MYH14: variants seen among roughly 807,000 people sequenced by gnomAD.
MYH14 encodes myosin-14.
A neutral mutation model predicts 255.5 loss-of-function variants in MYH14; 123 were observed. That is an observed-to-expected ratio of 0.48 (90% CI 0.42 to 0.56). The LOEUF is 0.56. MYH14 is among the 20% of genes least tolerant of loss of function. The pLI is 0.00. For missense variants in MYH14, 2,423 were observed against 2,802.3 expected, an observed-to-expected ratio of 0.86 and a Z score of 3.06; for synonymous variants, 1,095 against 1,161.2, an observed-to-expected ratio of 0.94 and a Z score of 1.16.
chr19:50,278,286 C>T lies in MYH14; in HGVS notation c.4029C>T (p.Ala1343=). Residue 1343 remains alanine, a synonymous_variant, in exon 30 of 43, where the codon GCC becomes GCT. Coordinates refer to ENST00000642316, the MANE Select transcript of MYH14 (RefSeq NM_001145809.2). ...AGGCTGCTGAGAAGCTGCAGCGAGC[C>T]CAGGTAAGTGGGGTGGGCAGGGCAG... is the stretch of plus-strand genomic sequence containing the variant. ...RAEAAEKLQR[A]QAELENVSGA... is the part of the protein sequence containing the mutation. The T allele has an allele frequency of 6.5e-7, 1 of 1,545,180 alleles. No homozygotes were observed. The highest frequency in any genetic ancestry group is 1.9e-5 in the Admixed American group (1 of 51,404).
Position 50,266,019 on chromosome 19 carries a change from C to T in MYH14, c.2695-858C>T, listed in dbSNP as rs139734332. ...GATACCTGCGAAAGATGCAAGGAGT[C>T]GGGGCAGAAAAGGAGAGAATAGAAG... On this transcript the variant is annotated intron_variant, in intron 22 of 42. Coordinates refer to ENST00000642316, the MANE Select transcript of MYH14 (RefSeq NM_001145809.2). The surrounding 1 kb of genome is among the most constrained non-coding windows in gnomAD (Gnocchi z 4.1). Among the ~76,000 whole-genome samples the T allele has an allele frequency of 2.2e-4, 34 of 151,834 alleles. No individual in the cohort carries two copies. In the East Asian group the frequency reaches 6.2e-3, roughly 28 times the overall value.
chr19:50,281,280 C>T (rs1011093106), intron 32 of MYH14, among the ~76,000 whole-genome samples: 1 of 152,192 alleles, frequency 6.6e-6, no homozygotes, highest in Non-Finnish European at 1.5e-5. Flanking sequence ...CTCCATAGCT[C>T]CCATACTGCT....
intron 39 of MYH14, among the ~76,000 whole-genome samples, chr19:50,296,215 T>C (rs1464478115): frequency 6.6e-6 from 1 of 152,122 alleles, no homozygotes; most frequent in East Asian, 1.9e-4. Context: ...ACAGATCCAG[T>C]CTCTCTGACC....
Position 50,272,444 on chromosome 19 carries a change from G to A in MYH14, c.3296-116G>A, listed in dbSNP as rs570382980. The A allele has an allele frequency of 4.1e-4, 452 of 1,089,868 alleles. 1 individual carries two copies. Among genetic ancestry groups the A allele is most frequent in the Admixed American group, 2.3e-3 (118 of 50,264 alleles). The allele number at this position is 1,089,868 out of a possible 1,614,324, so 67.5% of individuals were successfully genotyped here. ...GGGGAAGGTGGGAGGAGGAGAAGGC[G>A]TTAAGGGAGGTGCTGAGCTTAGCCT... On this transcript the variant is annotated intron_variant, in intron 26 of 42. Transcript: ENST00000642316.
Position 50,281,903 on chromosome 19 carries a change from C to A in MYH14, c.4539+61C>A. On this transcript the variant is annotated intron_variant, in intron 33 of 42. Coordinates refer to ENST00000642316, the MANE Select transcript of MYH14 (RefSeq NM_001145809.2). The stretch of plus-strand genomic sequence containing the variant: ...CAAGTCCATCTACGCTTCCCATGGT[C>A]GTTGTGAGGAACCAGTAATCCGTGC... The A allele has an allele frequency of 3.2e-6, 5 of 1,549,854 alleles. No homozygotes were observed. In the South Asian group the frequency reaches 3.6e-5, roughly 11 times the overall value.
rs910397391 is a variant in MYH14, at chr19:50,304,926, G to T, written c.5679-2123G>T. Among the ~76,000 whole-genome samples, 8 of 152,262 alleles carry T rather than the reference G, an allele frequency of 5.3e-5. No individual in the cohort carries two copies. In the East Asian group the frequency reaches 1.5e-3, roughly 29 times the overall value. On this transcript the variant is annotated intron_variant, in intron 40 of 42. Transcript: ENST00000642316. ...GTTGGCAGCTTTGTGGGAAAGTCTGGGAGACATCAGGGCATTTGGAGGAGG... is the reference window on the plus strand; with the variant it reads ...GTTGGCAGCTTTGTGGGAAAGTCTGTGAGACATCAGGGCATTTGGAGGAGG...
chr19:50,238,592 T>C (rs583628), intron 10 of MYH14, among the ~76,000 whole-genome samples: 146,721 of 152,194 alleles, frequency 0.96, 70,772 homozygotes, highest in African/African-American at 0.99. Context: ...GCTGAGATTA[T>C]AGGCGCTCGC....
chr19:50,230,859 G>A lies in MYH14; in HGVS notation c.973+236G>A, dbSNP rs534118465. On this transcript the variant is annotated intron_variant, in intron 9 of 42. Coordinates refer to ENST00000642316, the MANE Select transcript of MYH14 (RefSeq NM_001145809.2). The surrounding 1 kb of genome is among the most constrained non-coding windows in gnomAD (Gnocchi z 4.7). Reference sequence around the variant, plus strand: ...GGGTCTGGCTCGCGCCCGCTGTCACGGCCACGCAGCCCCCGCCGCCTGGTG... The same window carrying A: ...GGGTCTGGCTCGCGCCCGCTGTCACAGCCACGCAGCCCCCGCCGCCTGGTG... The A allele has an allele frequency of 1.7e-4, 85 of 512,262 alleles. No homozygotes were observed. The highest frequency in any genetic ancestry group is 9.8e-4 in the Admixed American group (30 of 30,484). The allele number at this position is 512,262 out of a possible 1,614,324, so 31.7% of individuals were successfully genotyped here. A position where few individuals can be genotyped will look rare whatever the true frequency, so the allele number is the denominator to read the frequency against.
Position 50,268,180 on chromosome 19 carries a change from G to A in MYH14, c.2846G>A (p.Arg949His), listed in dbSNP as rs747130393. ...RVAQLEEERA[R>H]LAEQLRAEAE... is the part of the protein sequence containing the mutation. ...CCCCAGCTGGAAGAGGAGCGCGCCC[G>A]CCTGGCAGAGCAATTGCGAGCAGAG... is the stretch of plus-strand genomic sequence containing the variant. The change falls in exon 24 of 43, where the codon CGC (arginine) becomes CAC (histidine). Residue 949 changes from arginine to histidine, a missense_variant. By Grantham distance (29) the Arg-to-His change is conservative. Around this residue, in one of 3 missense-constraint regions of MYH14, gnomAD observed 1,513 missense variants for 1,674.8 expected, o/e 0.90. Coordinates refer to ENST00000642316, the MANE Select transcript of MYH14 (RefSeq NM_001145809.2). 27 of 1,548,926 alleles carry A rather than the reference G, an allele frequency of 1.7e-5. No individual in the cohort carries two copies. The African/African-American group carries it at 2.6e-4, about 15-fold the overall frequency.
chr19:50,265,770 A>C (rs1202323179), intron 22 of MYH14, among the ~76,000 whole-genome samples: 1 of 152,086 alleles, frequency 6.6e-6, no homozygotes, highest in East Asian at 1.9e-4. Context: ...GCAGTGAGCC[A>C]AGATCGCACC....
Position 50,310,163 on chromosome 19 carries a change from C to T in MYH14, c.*373C>T, listed in dbSNP as rs927144911. The T allele has an allele frequency of 1.0e-5, 3 of 289,404 alleles. No homozygotes were observed. The highest frequency in any genetic ancestry group is 1.9e-5 in the Non-Finnish European group (3 of 154,278). The allele number at this position is 289,404 out of a possible 1,614,324, so 17.9% of individuals were successfully genotyped here. A position where few individuals can be genotyped will look rare whatever the true frequency, so the allele number is the denominator to read the frequency against. ...CCATCCTCAGCCAGTGCAACCCATTCCCTCTGCTTCTCTCTCTCTCTCTCT... is the reference window on the plus strand; with the variant it reads ...CCATCCTCAGCCAGTGCAACCCATTTCCTCTGCTTCTCTCTCTCTCTCTCT... On this transcript the variant is annotated 3_prime_UTR_variant, in exon 43 of 43. Coordinates refer to ENST00000642316, the MANE Select transcript of MYH14 (RefSeq NM_001145809.2).
At chr19:50,242,824 CA>C (rs1325406385) in intron 10 of MYH14, among the ~76,000 whole-genome samples, 3 of 152,128 alleles carry the variant, frequency 2.0e-5, no homozygotes, top group East Asian at 1.9e-4. Flanking sequence ...TCACATCAGA[CA>C]GGGGTGGTGT....
At chr19:50,229,954 G>A (rs560529246) in intron 8 of MYH14, among the ~76,000 whole-genome samples, 5 of 152,208 alleles carry the variant, frequency 3.3e-5, no homozygotes, top group Non-Finnish European at 4.4e-5. Context: ...TCACTCTGTC[G>A]CCCAGGCTGG....
chr19:50,246,016 C>T (rs2034105450), intron 11 of MYH14, among the ~76,000 whole-genome samples: 1 of 141,012 alleles, frequency 7.1e-6, no homozygotes, highest in Non-Finnish European at 1.5e-5. Context: ...GGGATTCCCT[C>T]GCTCCCTCCC....
chr19:50,297,219 C>T (rs1463494845), intron 39 of MYH14, among the ~76,000 whole-genome samples: 2 of 151,978 alleles, frequency 1.3e-5, no homozygotes, highest in Non-Finnish European at 2.9e-5. Context: ...CTCCTGACCT[C>T]GTGATCCGCC....
intron 18 of MYH14, 44 bp from the exon 19 acceptor site, chr19:50,259,100 G>C (rs761558118): frequency 9.2e-6 from 14 of 1,529,350 alleles, no homozygotes; most frequent in Non-Finnish European, 1.2e-5. Context: ...TGGCGCCCCC[G>C]TGTGGCCGCC....
chr19:50,293,082 C>A lies in MYH14; in HGVS notation c.5257-151C>A. 3.0e-6 allele frequency: 2 copies of A among 667,666 alleles called. No individual in the cohort carries two copies. Among genetic ancestry groups the A allele is most frequent in the Non-Finnish European group, 2.7e-6 (1 of 364,892 alleles). The allele number at this position is 667,666 out of a possible 1,614,324, so 41.4% of individuals were successfully genotyped here. A position where few individuals can be genotyped will look rare whatever the true frequency, so the allele number is the denominator to read the frequency against. On this transcript the variant is annotated intron_variant, in intron 37 of 42. Transcript: ENST00000642316. This position sits in a 1 kb window ranked among gnomAD's most constrained non-coding sequence, Gnocchi z 4.1. ...GGGCTCAGGAGACAGATTTAGGAGA[C>A]ATCTGTAGGTTGCAGCTCATTCCAG...
Position 50,276,685 on chromosome 19 carries a change from A to G in MYH14, c.3681-72A>G. On this transcript the variant is annotated intron_variant, in intron 28 of 42. Transcript: ENST00000642316. The surrounding 1 kb of genome is among the most constrained non-coding windows in gnomAD (Gnocchi z 4.3). Reference sequence around the variant, plus strand: ...TTAAGGAAACATGAAAAGGAGAAACAACCAGCTCCCCCAAAGCCCCTGCCT... The same window carrying G: ...TTAAGGAAACATGAAAAGGAGAAACGACCAGCTCCCCCAAAGCCCCTGCCT... 6.3e-7 allele frequency: 1 copy of G among 1,597,920 alleles called. No homozygotes were observed. Among genetic ancestry groups the G allele is most frequent in the Non-Finnish European group, 8.6e-7 (1 of 1,167,928 alleles).
chr19:50,239,739 C>T (rs1413246172), intron 10 of MYH14, among the ~76,000 whole-genome samples: 1 of 152,052 alleles, frequency 6.6e-6, no homozygotes, highest in African/African-American at 2.4e-5. Flanking sequence ...TTAGTAGAGA[C>T]AAGGTTTCAC....
Sources: allele counts gnomAD v4.1 joint callset (sites outside exome capture counted in the v4.1 genomes callset), GRCh38; gene constraint gnomAD v4.1.1; regional missense constraint gnomAD v4.1.1; non-coding constraint Gnocchi (gnomAD v3.1); transcripts MANE v1.5; gene names NCBI Gene and HGNC (gene_info 2026-07-23, HGNC 2026-07-21).